The following WSCD2 variants were observed in gnomAD, a reference collection of about 807,000 sequenced individuals.
WSCD2 encodes the protein WSC domain sialate O sulfotransferase 2, also known as sialate:O-sulfotransferase 2.
A neutral mutation model predicts 55.7 loss-of-function variants in WSCD2; 28 were observed. The ratio of observed to expected loss-of-function variants is 0.50; its 90% CI spans 0.37 to 0.69. The LOEUF (loss-of-function observed/expected upper bound fraction) is 0.69, where lower values mean the gene tolerates loss of function less well. WSCD2 is among the 30% of genes least tolerant of loss of function. The pLI is 0.00. For missense variants in WSCD2, 616 were observed against 762.1 expected, an observed-to-expected ratio of 0.81 and a Z score of 2.26; for synonymous variants, 301 against 301.9, an observed-to-expected ratio of 1.00 and a Z score of 0.03.
chr12:108,181,785 C>T lies in WSCD2; in HGVS notation c.-551-13497C>T, dbSNP rs555889319. Among the ~76,000 whole-genome samples the T allele has an allele frequency of 1.4e-4, 21 of 152,248 alleles. 1 individual carries two copies. In the South Asian group the frequency reaches 3.5e-3, roughly 26 times the overall value. The stretch of plus-strand genomic sequence containing the variant: ...CCTACACATTCCAGAACTCACCTTC[C>T]ACCAAGCCATAGCTGCCCCTGTTGA... On this transcript the variant is annotated intron_variant, in intron 1 of 8. Coordinates refer to ENST00000547525, the MANE Select transcript of WSCD2 (RefSeq NM_014653.4).
At chr12:108,148,438 G>C (rs1415991966) in intron 1 of WSCD2, among the ~76,000 whole-genome samples, 3 of 152,190 alleles carry the variant, frequency 2.0e-5, no homozygotes, top group African/African-American at 7.2e-5. Flanking sequence ...GAGGTGATGA[G>C]GCCTGGGCTG....
intron 1 of WSCD2, among the ~76,000 whole-genome samples, chr12:108,162,750 A>G (rs749015349): frequency 6.6e-6 from 1 of 152,012 alleles, no homozygotes. Flanking sequence ...TCTCCAAATG[A>G]CCTCTGCTCA....
chr12:108,241,528 G>C (rs1300098246), intron 8 of WSCD2, among the ~76,000 whole-genome samples: 1 of 152,160 alleles, frequency 6.6e-6, no homozygotes, highest in East Asian at 1.9e-4. Flanking sequence ...GGTCCAGGGA[G>C]GTTAAGGAGC....
chr12:108,209,122 G>A (rs767201360), intron 3 of WSCD2, among the ~76,000 whole-genome samples: 25 of 152,248 alleles, frequency 1.6e-4, no homozygotes, highest in Non-Finnish European at 3.1e-4. Context: ...TTTACAGAGT[G>A]GGGTAGCCAC....
chr12:108,232,716 C>G lies in WSCD2; in HGVS notation c.980-15C>G. 1 of 1,604,124 alleles carries G rather than the reference C, an allele frequency of 6.2e-7. No homozygotes were observed. The highest frequency in any genetic ancestry group is 1.3e-5 in the African/African-American group (1 of 74,876). On this transcript the variant is annotated splice_polypyrimidine_tract_variant and intron_variant, in intron 6 of 8. Transcript: ENST00000547525. ...CCCCTGGTGTTGACCTCTGTCCATG[C>G]TCCGCCCTTTTCAGACAACCGTTGC... is the stretch of plus-strand genomic sequence containing the variant.
chr12:108,162,050 C>T (rs149764694), intron 1 of WSCD2, among the ~76,000 whole-genome samples: 4 of 152,266 alleles, frequency 2.6e-5, no homozygotes, highest in Non-Finnish European at 5.9e-5. Flanking sequence ...GGGAAGAAGT[C>T]GCTTGCCCAA....
intron 1 of WSCD2, among the ~76,000 whole-genome samples, chr12:108,156,206 G>A (rs1878492539): frequency 6.6e-6 from 1 of 152,298 alleles, no homozygotes; most frequent in South Asian, 2.1e-4. Flanking sequence ...GAAAGGGGAG[G>A]AACACGTGCT....
intron 1 of WSCD2, chr12:108,171,960 C>T (rs574159280): frequency 6.6e-6 from 1 of 152,298 alleles, no homozygotes; most frequent in South Asian, 2.1e-4. Context: ...TTCTACTTGC[C>T]TTAAGAAAGA....
intron 6 of WSCD2, among the ~76,000 whole-genome samples, chr12:108,230,294 C>G (rs1279039311): frequency 3.3e-5 from 5 of 152,166 alleles, no homozygotes; most frequent in African/African-American, 1.2e-4. Flanking sequence ...GGCTTCGACA[C>G]AGATGTCCCC....
At chr12:108,136,760 C>G (rs118150500) in intron 1 of WSCD2, among the ~76,000 whole-genome samples, 3 of 150,584 alleles carry the variant, frequency 2.0e-5, no homozygotes, top group Admixed American at 6.6e-5. Flanking sequence ...CCTCCCCGCT[C>G]TGTCTTTCCC....
At chr12:108,154,575 C>A (rs1249366151) in intron 1 of WSCD2, among the ~76,000 whole-genome samples, 1 of 152,106 alleles carries the variant, frequency 6.6e-6, no homozygotes, top group Non-Finnish European at 1.5e-5. Flanking sequence ...GTCACATATT[C>A]ACAGGTTATG....
At chr12:108,155,543 C>T (rs1388629092) in intron 1 of WSCD2, among the ~76,000 whole-genome samples, 1 of 152,168 alleles carries the variant, frequency 6.6e-6, no homozygotes, top group Non-Finnish European at 1.5e-5. Flanking sequence ...TTGCTTATGA[C>T]TGGAAGACCC....
At chr12:108,190,486 G>C (rs569915581) in intron 1 of WSCD2, among the ~76,000 whole-genome samples, 1 of 152,252 alleles carries the variant, frequency 6.6e-6, no homozygotes, top group South Asian at 2.1e-4. Context: ...CAGCCTCACA[G>C]GCTTCCATTC....
chr12:108,232,989 T>C (rs995669270), intron 7 of WSCD2, 94 bp downstream of exon 7: 1 of 1,493,366 alleles, frequency 6.7e-7, no homozygotes, highest in Middle Eastern at 2.0e-4. Flanking sequence ...CTTGAGTATC[T>C]ACTGTGTGCC....
intron 4 of WSCD2, among the ~76,000 whole-genome samples, chr12:108,220,601 C>T (rs1887388702): frequency 1.3e-5 from 2 of 152,328 alleles, no homozygotes; most frequent in South Asian, 4.1e-4. Context: ...ATGATCATGG[C>T]TCATTGCAGC....
rs1592922134 is a variant in WSCD2, at chr12:108,168,312, G to A, written c.-551-26970G>A. Among the ~76,000 whole-genome samples the A allele has an allele frequency of 6.6e-5, 10 of 152,254 alleles. No homozygotes were observed. The South Asian group carries it at 2.1e-3, about 32-fold the overall frequency. ...AAGTCCTGGATCCTGATCATGCTCT[G>A]CCACTTTTCAGCTAGAAACCTTGAG... On this transcript the variant is annotated intron_variant, in intron 1 of 8. Coordinates refer to ENST00000547525, the MANE Select transcript of WSCD2 (RefSeq NM_014653.4).
intron 1 of WSCD2, among the ~76,000 whole-genome samples, chr12:108,183,939 G>C (rs970665127): frequency 1.3e-5 from 2 of 152,296 alleles, no homozygotes; most frequent in East Asian, 3.9e-4. Context: ...CTGGGGAGAG[G>C]CAATGGCACA....
At chr12:108,227,887 CGAT>C (rs578050800) in intron 6 of WSCD2, among the ~76,000 whole-genome samples, 2,711 of 151,952 alleles carry the variant, frequency 0.018, 30 homozygotes, top group Non-Finnish European at 0.029. Flanking sequence ...GTGATGATGA[CGAT>C]GATGGTGATG....
chr12:108,154,819 T>TTA (rs1382754994), intron 1 of WSCD2, among the ~76,000 whole-genome samples: 1 of 152,250 alleles, frequency 6.6e-6, no homozygotes, highest in African/African-American at 2.4e-5. Flanking sequence ...AACTCATTAT[T>TTA]TATTATTGCT....
Sources: allele counts gnomAD v4.1 joint callset (sites outside exome capture counted in the v4.1 genomes callset), GRCh38; gene constraint gnomAD v4.1.1; transcripts MANE v1.5; gene names NCBI Gene and HGNC (gene_info 2026-07-23, HGNC 2026-07-21).